CSMD1: variants seen among roughly 807,000 people sequenced by gnomAD.
The protein encoded by CSMD1 is CUB and sushi domain-containing protein 1.
A neutral mutation model predicts 417.5 loss-of-function variants in CSMD1; 213 were observed. That is an observed-to-expected ratio of 0.51 (90% CI 0.46 to 0.57). CSMD1 has a LOEUF of 0.57. Among genes scored for constraint, CSMD1 ranks in the 20% least tolerant of loss-of-function variants. The pLI is 0.00. For missense variants in CSMD1, 6,923 were observed against 4,529.7 expected (o/e 1.53, Z -15.17); for synonymous variants, 2,862 against 1,736.8 (o/e 1.65, Z -16.11).
chr8:3,262,115 G>A (rs1306687083), intron 26 of CSMD1, among the ~76,000 whole-genome samples: 1 of 147,654 alleles, frequency 6.8e-6, no homozygotes, highest in Non-Finnish European at 1.5e-5. Context: ...GTATGTCTGA[G>A]TTGCAGTATT....
At chr8:4,925,183 G>C (rs1370073623) in intron 1 of CSMD1, among the ~76,000 whole-genome samples, 1 of 141,004 alleles carries the variant, frequency 7.1e-6, no homozygotes, top group Non-Finnish European at 1.5e-5. Flanking sequence ...TGGTTAATCA[G>C]AGAATAAAAC....
chr8:4,118,710 A>C (rs901283386), intron 3 of CSMD1, among the ~76,000 whole-genome samples: 1 of 152,198 alleles, frequency 6.6e-6, no homozygotes, highest in African/African-American at 2.4e-5. Flanking sequence ...TAGAACTAGA[A>C]ATACCATTTG....
At chr8:3,564,075 A>G (rs1422846636) in intron 10 of CSMD1, among the ~76,000 whole-genome samples, 1 of 152,132 alleles carries the variant, frequency 6.6e-6, no homozygotes, top group Non-Finnish European at 1.5e-5. Context: ...GTACATGTAT[A>G]TGATGCATAA....
chr8:4,073,624 G>C (rs7814954), intron 3 of CSMD1, among the ~76,000 whole-genome samples: 17,145 of 152,050 alleles, frequency 0.11, 1,112 homozygotes, highest in Middle Eastern at 0.18. Context: ...AAAATGAATT[G>C]AATTTTAATG....
chr8:4,805,353 G>A (rs1456260086), intron 1 of CSMD1, among the ~76,000 whole-genome samples: 2 of 152,156 alleles, frequency 1.3e-5, no homozygotes, highest in Non-Finnish European at 2.9e-5. Flanking sequence ...GAAGCACTCT[G>A]CCAATTCGTG....
intron 1 of CSMD1, among the ~76,000 whole-genome samples, chr8:4,680,153 G>A (rs1226869781): frequency 1.3e-5 from 2 of 152,190 alleles, no homozygotes; most frequent in African/African-American, 4.8e-5. Context: ...ATACACAGCA[G>A]TGTATGTAGA....
intron 3 of CSMD1, among the ~76,000 whole-genome samples, chr8:4,123,787 C>G (rs1802614050): frequency 6.6e-6 from 1 of 151,962 alleles, no homozygotes; most frequent in South Asian, 2.1e-4. Context: ...GTCAGAAGAA[C>G]CCAAAATAAA....
chr8:4,399,560 T>G (rs1233697910), intron 3 of CSMD1, among the ~76,000 whole-genome samples: 1 of 152,054 alleles, frequency 6.6e-6, no homozygotes, highest in Non-Finnish European at 1.5e-5. Context: ...ACTGGCATAA[T>G]CCCCCTTTTT....
intron 8 of CSMD1, among the ~76,000 whole-genome samples, chr8:3,613,676 A>G (rs555583193): frequency 1.3e-5 from 2 of 150,622 alleles, no homozygotes; most frequent in East Asian, 3.9e-4. Context: ...AACTTTTGAA[A>G]AAATTCCAAA....
intron 27 of CSMD1, among the ~76,000 whole-genome samples, chr8:3,229,429 GC>G (rs1166526826): frequency 6.6e-6 from 1 of 152,082 alleles, no homozygotes; most frequent in Non-Finnish European, 1.5e-5. Flanking sequence ...ATATATATTA[GC>G]CTACAAACAT....
At position 4,396,418 on chromosome 8, in the gene CSMD1, G is replaced by C. The variant is rs373841865; in HGVS notation, c.415+23535C>G. On this transcript the variant is annotated intron_variant, in intron 3 of 69. Transcript: ENST00000635120. ...GGAGGCAGAGGTTTCAGTGAACCAA[G>C]ACTGCACCACTGAACTCTAGCCTGG... Among the ~76,000 whole-genome samples the C allele has an allele frequency of 1.1e-4, 17 of 152,256 alleles. No individual in the cohort carries two copies. The South Asian group carries it at 3.3e-3, about 30-fold the overall frequency.
chr8:3,394,498 C>T (rs1811565441), intron 17 of CSMD1, among the ~76,000 whole-genome samples: 1 of 152,148 alleles, frequency 6.6e-6, no homozygotes, highest in Admixed American at 6.5e-5. Context: ...GCAAAGTCAT[C>T]TACAGCTACA....
At chr8:3,711,040 T>C (rs1427307376) in intron 6 of CSMD1, among the ~76,000 whole-genome samples, 6 of 152,136 alleles carry the variant, frequency 3.9e-5, no homozygotes, top group African/African-American at 1.4e-4. Context: ...ACATATTATG[T>C]CTAAACTGCC....
At chr8:3,727,536 G>A (rs10092396) in intron 6 of CSMD1, among the ~76,000 whole-genome samples, 7,078 of 152,302 alleles carry the variant, frequency 0.046, 210 homozygotes, top group Middle Eastern at 0.1. Context: ...TGAGGCAGCT[G>A]TCGTGAAAAA....
intron 3 of CSMD1, among the ~76,000 whole-genome samples, chr8:4,157,784 G>T (rs1368995655): frequency 1.3e-5 from 2 of 152,152 alleles, no homozygotes; most frequent in East Asian, 1.9e-4. Flanking sequence ...GTTCACAGCT[G>T]GGTGAACTTG....
At chr8:4,381,745 T>C (rs1161691806) in intron 3 of CSMD1, among the ~76,000 whole-genome samples, 1 of 152,180 alleles carries the variant, frequency 6.6e-6, no homozygotes, top group African/African-American at 2.4e-5. Context: ...GCTTCGATGC[T>C]ATGTTTTTTT....
chr8:3,062,887 G>T (rs913238799), intron 49 of CSMD1, among the ~76,000 whole-genome samples: 3 of 152,108 alleles, frequency 2.0e-5, no homozygotes, highest in African/African-American at 7.2e-5. Context: ...TTAGAGTGTT[G>T]TTCAAAAGAG....
chr8:4,038,035 A>C (rs1445831986), intron 3 of CSMD1, among the ~76,000 whole-genome samples: 2 of 152,166 alleles, frequency 1.3e-5, no homozygotes, highest in African/African-American at 2.4e-5. Flanking sequence ...AAGTGTAAAT[A>C]AGTATCAGAG....
At chr8:4,045,522 G>C (rs1187293956) in intron 3 of CSMD1, among the ~76,000 whole-genome samples, 1 of 152,172 alleles carries the variant, frequency 6.6e-6, no homozygotes, top group Non-Finnish European at 1.5e-5. Context: ...GGACATCATG[G>C]GGCCCTGTGG....
Sources: allele counts gnomAD v4.1 joint callset (sites outside exome capture counted in the v4.1 genomes callset), GRCh38; gene constraint gnomAD v4.1.1; transcripts MANE v1.5; gene names NCBI Gene and HGNC (gene_info 2026-07-23, HGNC 2026-07-21).